The following MMAA variants were observed in gnomAD, a reference collection of about 807,000 sequenced individuals.
MMAA encodes the protein metabolism of cobalamin associated A, also known as methylmalonic aciduria type A protein, mitochondrial.
MMAA carries 41 observed loss-of-function variants against 45.0 expected under a neutral mutation model. The observed-to-expected ratio is 0.91, with a 90% CI of 0.71 to 1.18. MMAA has a LOEUF of 1.18. Ranked by LOEUF, MMAA falls within the 50% of genes most tolerant of loss-of-function variation. The pLI is 0.00. For missense variants in MMAA, 460 were observed against 495.7 expected (o/e 0.93, Z 0.68); for synonymous variants, 154 against 178.2 (o/e 0.86, Z 1.08).
intron 4 of MMAA, among the ~76,000 whole-genome samples, chr4:145,649,152 G>A (rs957556845): frequency 2.7e-5 from 4 of 148,868 alleles, no homozygotes; most frequent in Non-Finnish European, 5.9e-5. Flanking sequence ...AAAAAAATTA[G>A]CCAGGCATTG....
At chr4:145,626,540 G>A (rs1734209706) in intron 1 of MMAA, among the ~76,000 whole-genome samples, 1 of 152,078 alleles carries the variant, frequency 6.6e-6, no homozygotes, top group African/African-American at 2.4e-5. Context: ...TTTGGCCTAA[G>A]CAAAAAATAA....
At chr4:145,631,585 A>AT (rs984653927) in intron 1 of MMAA, among the ~76,000 whole-genome samples, 1 of 151,244 alleles carries the variant, frequency 6.6e-6, no homozygotes, top group South Asian at 2.1e-4. Context: ...TGGGTCTTTT[A>AT]TTTTTTTTAT....
chr4:145,621,592 T>TG lies in MMAA; in HGVS notation c.-66+2193dup, dbSNP rs199812349. Among the ~76,000 whole-genome samples the TG allele has an allele frequency of 3.2e-3, 492 of 151,694 alleles. 4 individuals are homozygous for TG. The highest frequency in any genetic ancestry group is 9.1e-3 in the African/African-American group (376 of 41,380). On this transcript the variant is annotated intron_variant, in intron 1 of 6. Coordinates refer to ENST00000649156, the MANE Select transcript of MMAA (RefSeq NM_172250.3). ...AAGAGAAAATAAAGCCTTCTGTGGT[T>TG]GGGGGGGGTGGAATATGGTAAACAG...
intron 4 of MMAA, among the ~76,000 whole-genome samples, chr4:145,648,884 G>C (rs1306069181): frequency 6.6e-6 from 1 of 152,138 alleles, no homozygotes; most frequent in Non-Finnish European, 1.5e-5. Flanking sequence ...TACTTGGTAG[G>C]CTGAGGTGGG....
intron 1 of MMAA, among the ~76,000 whole-genome samples, chr4:145,623,525 T>C (rs1461199639): frequency 1.3e-5 from 2 of 152,230 alleles, no homozygotes; most frequent in Non-Finnish European, 2.9e-5. Context: ...TGAGTTTCTT[T>C]CAAGTGAAGA....
chr4:145,638,396 G>A (rs759325481), intron 1 of MMAA, among the ~76,000 whole-genome samples: 21 of 152,144 alleles, frequency 1.4e-4, no homozygotes, highest in Non-Finnish European at 3.1e-4. Context: ...ATCTAATTTC[G>A]TAGTGGTTCA....
intron 4 of MMAA, among the ~76,000 whole-genome samples, chr4:145,646,977 A>G (rs1289132857): frequency 6.6e-6 from 1 of 152,208 alleles, no homozygotes; most frequent in African/African-American, 2.4e-5. Context: ...AGGAGCAGGA[A>G]GATCCTGCTG....
intron 1 of MMAA, 103 bp from the exon 2 acceptor site, chr4:145,638,972 A>T (rs1727698071): frequency 1.5e-6 from 1 of 647,932 alleles, no homozygotes; most frequent in East Asian, 2.7e-5. Context: ...AACTCTGATT[A>T]TGTGTGGTTT....
intron 4 of MMAA, 189 bp from the exon 5 acceptor site, chr4:145,650,873 C>T (rs1393629193): frequency 1.1e-5 from 7 of 625,040 alleles, no homozygotes; most frequent in South Asian, 3.7e-5. Flanking sequence ...GGAAGGATAA[C>T]GGGTTTGCTT....
intron 6 of MMAA, among the ~76,000 whole-genome samples, chr4:145,654,482 A>AT (rs988931843): frequency 1.4e-4 from 22 of 152,326 alleles, no homozygotes; most frequent in African/African-American, 5.1e-4. Context: ...GATTCCCATT[A>AT]TGTTTGTTGG....
intron 1 of MMAA, chr4:145,624,102 C>G (rs1734146717): frequency 2.8e-6 from 3 of 1,066,592 alleles, no homozygotes; most frequent in African/African-American, 1.6e-5. Flanking sequence ...GCCACAGTCA[C>G]TCAGCTCATG....
intron 2 of MMAA, among the ~76,000 whole-genome samples, chr4:145,640,683 A>G (rs1320282931): frequency 6.6e-6 from 1 of 152,208 alleles, no homozygotes; most frequent in Non-Finnish European, 1.5e-5. Context: ...GAAAGAGATC[A>G]TATTTATTTA....
Position 145,639,266 on chromosome 4 carries a change from C to T in MMAA, c.127C>T (p.Pro43Ser), listed in dbSNP as rs1444473515. 6.2e-7 allele frequency: 1 copy of T among 1,614,152 alleles called. No homozygotes were observed. Among genetic ancestry groups the T allele is most frequent in the South Asian group, 1.1e-5 (1 of 91,074 alleles). The change falls in exon 2 of 7, where the codon CCG becomes TCG. Residue 43 changes from proline to serine, a missense_variant. Pro to Ser is a moderately conservative substitution (Grantham distance 74). Transcript: ENST00000649156. ...CGGATCAGGAATCCCATGTGCTCAG[C>T]CGTTTAATTCTCTTGGACTCCATTG... is the stretch of plus-strand genomic sequence containing the variant. ...HLGSGIPCAQ[P>S]FNSLGLHCTK...
intron 1 of MMAA, among the ~76,000 whole-genome samples, chr4:145,620,589 CCT>C (rs1166210959): frequency 1.3e-5 from 2 of 152,182 alleles, no homozygotes; most frequent in Admixed American, 1.3e-4. Context: ...TAGTTTGTGA[CCT>C]CTGCAGATTT....
intron 1 of MMAA, chr4:145,625,024 G>T: frequency 1.1e-6 from 1 of 914,598 alleles, no homozygotes; most frequent in South Asian, 1.4e-5. Context: ...TATAGGACTG[G>T]AACAAGAGCT....
chr4:145,634,357 G>T (rs974253406), intron 1 of MMAA, among the ~76,000 whole-genome samples: 2 of 152,114 alleles, frequency 1.3e-5, no homozygotes, highest in African/African-American at 4.8e-5. Flanking sequence ...ACAGGCCCAT[G>T]AAGAGTGCTA....
intron 4 of MMAA, 29 bp downstream of exon 4, chr4:145,646,185 T>C: frequency 6.2e-7 from 1 of 1,611,670 alleles, no homozygotes; most frequent in Non-Finnish European, 8.5e-7. Context: ...TTCATAACAA[T>C]GTACTATTTT....
chr4:145,633,246 T>C (rs1006867897), intron 1 of MMAA, among the ~76,000 whole-genome samples: 1 of 142,066 alleles, frequency 7.0e-6, no homozygotes, highest in African/African-American at 2.8e-5. Flanking sequence ...TTACCCAGGC[T>C]GGAATGCAGT....
chr4:145,629,461 T>G (rs1281212702), intron 1 of MMAA, among the ~76,000 whole-genome samples: 1 of 152,212 alleles, frequency 6.6e-6, no homozygotes, highest in Non-Finnish European at 1.5e-5. Flanking sequence ...TATTGAGGAC[T>G]TTTGCCTCAA....
Sources: allele counts gnomAD v4.1 joint callset (sites outside exome capture counted in the v4.1 genomes callset), GRCh38; gene constraint gnomAD v4.1.1; transcripts MANE v1.5; gene names NCBI Gene and HGNC (gene_info 2026-07-23, HGNC 2026-07-21).